Variants in PPP2R5C observed in about 807,000 individuals in gnomAD.
The protein encoded by PPP2R5C is serine/threonine-protein phosphatase 2A 56 kDa regulatory subunit gamma isoform.
PPP2R5C carries 7 observed loss-of-function variants against 68.9 expected under a neutral mutation model. The ratio of observed to expected loss-of-function variants is 0.10; its 90% CI spans 0.06 to 0.19. PPP2R5C has a LOEUF of 0.19. Among genes scored for constraint, PPP2R5C ranks in the 10% least tolerant of loss-of-function variants. The probability of loss-of-function intolerance (pLI) is 1.00; values close to 1 mark genes in which losing one functional copy is unlikely to be tolerated. For missense variants in PPP2R5C, 348 were observed against 641.3 expected, an observed-to-expected ratio of 0.54 and a Z score of 4.94; for synonymous variants, 210 against 222.2, an observed-to-expected ratio of 0.95 and a Z score of 0.49.
intron 3 of PPP2R5C, among the ~76,000 whole-genome samples, chr14:101,796,306 C>T (rs2038605812): frequency 6.6e-6 from 1 of 152,168 alleles, no homozygotes; most frequent in South Asian, 2.1e-4. Context: ...GAAAGAGCCG[C>T]GCAGGGAATC....
In PPP2R5C at chr14:101,906,454, T is replaced by C. The variant is rs2046027713; in HGVS notation, c.1076T>C (p.Ile359Thr). ...AATAATGAATACATCATGAGTTTAA[T>C]CAGTGACAACGCAGCGAAGATTCTG... is the stretch of plus-strand genomic sequence containing the variant. The change falls in exon 10 of 14, where the codon ATC becomes ACC. Residue 359 changes from isoleucine (I) to threonine (T), a missense_variant. Coordinates refer to ENST00000334743, the Ensembl canonical transcript of PPP2R5C. This position sits in a 1 kb window ranked among gnomAD's most constrained non-coding sequence, Gnocchi z 4.0. The C allele has an allele frequency of 6.2e-7, 1 of 1,613,344 alleles. No individual in the cohort carries two copies. The highest frequency in any genetic ancestry group is 1.3e-5 in the African/African-American group (1 of 75,012).
At chr14:101,799,289 T>C (rs1057000126) in intron 3 of PPP2R5C, among the ~76,000 whole-genome samples, 2 of 152,210 alleles carry the variant, frequency 1.3e-5, no homozygotes, top group African/African-American at 4.8e-5. Flanking sequence ...CACTGCTTCC[T>C]GCATTTTGCT....
intron 2 of PPP2R5C, among the ~76,000 whole-genome samples, chr14:101,763,531 C>T (rs549464533): frequency 5.3e-5 from 8 of 152,144 alleles, no homozygotes; most frequent in Non-Finnish European, 8.8e-5. Flanking sequence ...TACAGGCACC[C>T]GCTACCACGC....
intron 2 of PPP2R5C, among the ~76,000 whole-genome samples, chr14:101,880,917 G>T (rs777962463): frequency 2.6e-5 from 4 of 152,128 alleles, no homozygotes; most frequent in Non-Finnish European, 4.4e-5. Flanking sequence ...ACATCTTCTC[G>T]TTGTTATCGT....
chr14:101,784,089 A>G (rs925661729), intron 2 of PPP2R5C, among the ~76,000 whole-genome samples: 1 of 152,180 alleles, frequency 6.6e-6, no homozygotes, highest in Non-Finnish European at 1.5e-5. Context: ...TGAGGGAGAG[A>G]AGGGAACCGA....
At chr14:101,844,096 A>G (rs2140446408) in intron 1 of PPP2R5C, 2 of 150,942 alleles carry the variant, frequency 1.3e-5, no homozygotes, top group African/African-American at 4.9e-5. Context: ...GCTCATTTTC[A>G]TCATCATCCA....
chr14:101,761,842 C>T (rs1350599629), upstream of PPP2R5C: 2 of 1,006,228 alleles, frequency 2.0e-6, no homozygotes, highest in Non-Finnish European at 2.4e-6. Context: ...GCTGCTGCTG[C>T]GGGGGCAGGC....
intron 1 of PPP2R5C, among the ~76,000 whole-genome samples, chr14:101,851,634 G>A (rs751796708): frequency 4.9e-4 from 75 of 152,192 alleles, no homozygotes; most frequent in Non-Finnish European, 9.4e-4. Context: ...AGTTTTTGCA[G>A]CTGTGTCTCC....
At chr14:101,817,245 TG>T (rs1181270078) in intron 1 of PPP2R5C, among the ~76,000 whole-genome samples, 6 of 152,100 alleles carry the variant, frequency 3.9e-5, no homozygotes, top group African/African-American at 1.2e-4. Context: ...CGTGAGCCAC[TG>T]CCCCAGGATG....
At chr14:101,830,249 T>G (rs2040656982) in intron 1 of PPP2R5C, among the ~76,000 whole-genome samples, 1 of 152,246 alleles carries the variant, frequency 6.6e-6, no homozygotes, top group Admixed American at 6.5e-5. Flanking sequence ...AACTCATGTT[T>G]TACAGCCCAT....
At chr14:101,867,988 G>A (rs1036225451) in intron 2 of PPP2R5C, among the ~76,000 whole-genome samples, 112 of 152,270 alleles carry the variant, frequency 7.4e-4, no homozygotes, top group African/African-American at 2.6e-3. Flanking sequence ...GGTCCTGGGG[G>A]AGGTCTCACA....
At chr14:101,864,160 A>C (rs1057199950) in intron 2 of PPP2R5C, among the ~76,000 whole-genome samples, 4 of 152,190 alleles carry the variant, frequency 2.6e-5, no homozygotes, top group Non-Finnish European at 1.5e-5. Flanking sequence ...ATATTCATTC[A>C]ATATGAGGTT....
intron 1 of PPP2R5C, chr14:101,836,317 C>T (rs1312181121): frequency 7.1e-6 from 5 of 702,726 alleles, no homozygotes; most frequent in East Asian, 5.4e-5. Context: ...CCAGCCTTCT[C>T]CCCTGCCCTT....
intron 2 of PPP2R5C, among the ~76,000 whole-genome samples, chr14:101,768,215 A>G (rs1397558986): frequency 6.6e-6 from 1 of 152,206 alleles, no homozygotes; most frequent in Non-Finnish European, 1.5e-5. Flanking sequence ...CTGTTGAGCC[A>G]CTGCACTATA....
intron 3 of PPP2R5C, among the ~76,000 whole-genome samples, chr14:101,791,540 TGTTAA>T (rs376372247): frequency 6.6e-6 from 1 of 152,208 alleles, no homozygotes; most frequent in South Asian, 2.1e-4. Context: ...AAGATTACCC[TGTTAA>T]GTTGATACGA....
intron 5 of PPP2R5C, among the ~76,000 whole-genome samples, chr14:101,884,630 C>G (rs2044374895): frequency 6.6e-6 from 1 of 152,256 alleles, no homozygotes; most frequent in South Asian, 2.1e-4. Flanking sequence ...GTGGCAGGCC[C>G]ACCTCCAGGC....
intron 2 of PPP2R5C, among the ~76,000 whole-genome samples, chr14:101,875,612 G>A (rs1227641542): frequency 1.3e-5 from 2 of 152,160 alleles, no homozygotes; most frequent in Non-Finnish European, 2.9e-5. Flanking sequence ...GTGCATTTAT[G>A]TTCTCTAGAT....
At chr14:101,816,880 AT>A (rs1566864168) in intron 1 of PPP2R5C, among the ~76,000 whole-genome samples, 3 of 135,906 alleles carry the variant, frequency 2.2e-5, no homozygotes, top group East Asian at 2.0e-4. Flanking sequence ...TTATATATAT[AT>A]TATATATATA....
Position 101,882,351 on chromosome 14 carries a change from G to C in PPP2R5C, c.405+80G>C. 1 of 1,089,480 alleles carries C rather than the reference G, an allele frequency of 9.2e-7. No homozygotes were observed. The highest frequency in any genetic ancestry group is 1.3e-6 in the Non-Finnish European group (1 of 758,228). 67.5% of individuals were successfully genotyped at this position (1,089,480 alleles called of 1,614,324 possible). A position where few individuals can be genotyped will look rare whatever the true frequency, so the allele number is the denominator to read the frequency against. On this transcript the variant is annotated intron_variant, in intron 3 of 13. Coordinates refer to ENST00000334743, the Ensembl canonical transcript of PPP2R5C. The surrounding 1 kb of genome is among the most constrained non-coding windows in gnomAD (Gnocchi z 4.9). ...CTGGGATCCACAGAGCGGGCGCACTGGTCTGGCCAGATGGACCTCTCCTCC... is the reference window on the plus strand; with the variant it reads ...CTGGGATCCACAGAGCGGGCGCACTCGTCTGGCCAGATGGACCTCTCCTCC...
Sources: allele counts gnomAD v4.1 joint callset (sites outside exome capture counted in the v4.1 genomes callset), GRCh38; gene constraint gnomAD v4.1.1; non-coding constraint Gnocchi (gnomAD v3.1); transcripts MANE v1.5; gene names NCBI Gene and HGNC (gene_info 2026-07-23, HGNC 2026-07-21).